SV2C: variants seen among roughly 807,000 people sequenced by gnomAD.
SV2C encodes synaptic vesicle glycoprotein 2C.
SV2C carries 49 observed loss-of-function variants against 79.7 expected under a neutral mutation model. The ratio of observed to expected loss-of-function variants is 0.61; its 90% CI spans 0.49 to 0.78. The LOEUF is 0.78. Ranked by LOEUF, SV2C falls within the 30% of genes least tolerant of loss-of-function variation. The pLI, the probability that SV2C is intolerant of heterozygous loss-of-function variation, is 0.00. For missense variants in SV2C, 833 were observed against 912.9 expected, an observed-to-expected ratio of 0.91 and a Z score of 1.13; for synonymous variants, 334 against 333.2, an observed-to-expected ratio of 1.00 and a Z score of -0.03.
chr5:76,077,674 T>C, the SV2C span, among the ~76,000 whole-genome samples: 4 of 152,188 alleles, frequency 2.6e-5, no homozygotes, highest in Non-Finnish European at 4.4e-5. Flanking sequence ...CACATGTCCA[T>C]GGCTGACTTC....
the SV2C span, among the ~76,000 whole-genome samples, chr5:75,877,524 A>T: frequency 2.6e-5 from 4 of 152,126 alleles, no homozygotes; most frequent in African/African-American, 7.2e-5. Flanking sequence ...ATTTTTTAAA[A>T]ACTTAGTAAA....
chr5:75,855,593 T>G, the SV2C span, among the ~76,000 whole-genome samples: 1 of 152,120 alleles, frequency 6.6e-6, no homozygotes, highest in Non-Finnish European at 1.5e-5. Context: ...TTGCAATATT[T>G]CAAACTTTAT....
the SV2C span, among the ~76,000 whole-genome samples, chr5:75,938,791 A>C: frequency 6.6e-6 from 1 of 152,198 alleles, no homozygotes; most frequent in East Asian, 1.9e-4. Flanking sequence ...ATATTTCAAT[A>C]TATCTTTTAC....
chr5:76,275,003 G>T (rs902765010), intron 4 of SV2C, among the ~76,000 whole-genome samples: 17 of 152,006 alleles, frequency 1.1e-4, no homozygotes, highest in African/African-American at 3.9e-4. Flanking sequence ...ATTTTAGTTG[G>T]CCAGGTGCCT....
intron 4 of SV2C, among the ~76,000 whole-genome samples, chr5:76,244,020 C>A (rs562026539): frequency 9.0e-4 from 137 of 152,334 alleles, no homozygotes; most frequent in African/African-American, 3.2e-3. Context: ...AGAGGCCATC[C>A]CTTCCCACCC....
At chr5:75,999,215 G>A in the SV2C span, among the ~76,000 whole-genome samples, 2 of 152,112 alleles carry the variant, frequency 1.3e-5, no homozygotes, top group Non-Finnish European at 2.9e-5. Flanking sequence ...GGGAATTCAA[G>A]ATGAGATTTG....
intron 5 of SV2C, 78 bp from the exon 6 acceptor site, chr5:76,285,703 A>G (rs1747332782): frequency 3.3e-6 from 4 of 1,213,334 alleles, no homozygotes; most frequent in South Asian, 2.7e-5. Context: ...TGATCTGACA[A>G]TGCAAGACGG....
At chr5:76,285,086 C>A in intron 4 of SV2C, 76 bp from the exon 5 acceptor site, 1 of 1,577,786 alleles carries the variant, frequency 6.3e-7, no homozygotes. Context: ...GTCCATGGTT[C>A]GGGCATCCCG....
intron 2 of SV2C, among the ~76,000 whole-genome samples, chr5:76,180,140 G>A (rs1480131057): frequency 1.3e-5 from 2 of 152,038 alleles, no homozygotes; most frequent in Non-Finnish European, 2.9e-5. Flanking sequence ...GCCCCTCCAG[G>A]CCTTTCTGTT....
At chr5:76,231,535 C>A (rs1211244957) in intron 4 of SV2C, among the ~76,000 whole-genome samples, 2 of 150,252 alleles carry the variant, frequency 1.3e-5, no homozygotes, top group Non-Finnish European at 2.9e-5. Flanking sequence ...GCGCCGCACC[C>A]ACTAACTCGT....
intron 2 of SV2C, among the ~76,000 whole-genome samples, chr5:76,141,136 A>T (rs887666518): frequency 6.6e-6 from 1 of 152,192 alleles, no homozygotes; most frequent in Admixed American, 6.5e-5. Flanking sequence ...CAGCCTGAAA[A>T]GACTCTTCCA....
rs146197306 is a variant in SV2C at position 76,277,602 on chromosome 5, C to T, written c.914-7560C>T. Among the ~76,000 whole-genome samples the T allele has an allele frequency of 1.1e-3, 168 of 152,138 alleles. 1 individual carries two copies. The highest frequency in any genetic ancestry group is 6.8e-3 in the Middle Eastern group (2 of 294). ...CAGTCTGGATAATATGGTGAAACTC[C>T]GTCTCTACAAAAAGTTAGCCGGGCA... On this transcript the variant is annotated intron_variant, in intron 4 of 12. Transcript: ENST00000502798.
intron 12 of SV2C, among the ~76,000 whole-genome samples, chr5:76,322,311 T>C (rs1748855846): frequency 6.6e-6 from 1 of 152,070 alleles, no homozygotes; most frequent in African/African-American, 2.4e-5. Flanking sequence ...GTAAAATACC[T>C]GGAAATACAA....
chr5:76,231,586 G>T (rs201175067), intron 4 of SV2C, among the ~76,000 whole-genome samples: 1 of 133,600 alleles, frequency 7.5e-6, no homozygotes, highest in East Asian at 2.1e-4. Context: ...ATCCCTCCCC[G>T]CTCCCCCCAC....
chr5:76,174,185 A>G lies in SV2C; in HGVS notation c.581-20734A>G, dbSNP rs1371385372. On this transcript the variant is annotated intron_variant, in intron 2 of 12. Coordinates refer to ENST00000502798, the MANE Select transcript of SV2C (RefSeq NM_014979.4). ...AACGACTAGCTTATACTCACGCATG[A>G]TGCAAGCTTGTCAAAACCTAGTACT... 11 of 1,612,462 alleles carry G rather than the reference A, an allele frequency of 6.8e-6. 1 individual carries two copies. In the South Asian group the frequency reaches 1.2e-4, roughly 18 times the overall value.
At chr5:75,982,991 G>T in the SV2C span, among the ~76,000 whole-genome samples, 25 of 152,078 alleles carry the variant, frequency 1.6e-4, no homozygotes, top group Non-Finnish European at 3.5e-4. Context: ...GTTGGAGGAA[G>T]AAGATTAGGA....
At chr5:75,954,968 C>T in the SV2C span, among the ~76,000 whole-genome samples, 2 of 148,792 alleles carry the variant, frequency 1.3e-5, no homozygotes, top group Non-Finnish European at 3.0e-5. Context: ...GGCCATATTG[C>T]CCAAGGTAAT....
the SV2C span, among the ~76,000 whole-genome samples, chr5:75,879,316 T>C: frequency 1.3e-5 from 2 of 152,138 alleles, no homozygotes; most frequent in African/African-American, 4.8e-5. Flanking sequence ...AGTCCAAAGT[T>C]CTGTCTCATC....
chr5:75,969,732 TA>T, the SV2C span, among the ~76,000 whole-genome samples: 1 of 151,668 alleles, frequency 6.6e-6, no homozygotes, highest in Admixed American at 6.5e-5. Flanking sequence ...TGGGAGATTT[TA>T]ACACCCCACT....
Sources: allele counts gnomAD v4.1 joint callset (sites outside exome capture counted in the v4.1 genomes callset), GRCh38; gene constraint gnomAD v4.1.1; transcripts MANE v1.5; gene names NCBI Gene and HGNC (gene_info 2026-07-23, HGNC 2026-07-21).